Variants in IARS2 observed in about 807,000 individuals in gnomAD.
IARS2 encodes the protein isoleucyl-tRNA synthetase 2, mitochondrial.
Under a neutral mutation model 126.3 loss-of-function variants are expected in IARS2, and 56 were observed. The observed-to-expected ratio is 0.44, with a 90% CI of 0.36 to 0.55. The LOEUF is 0.55. Ranked by LOEUF, IARS2 falls within the 20% of genes least tolerant of loss-of-function variation. The pLI is 0.00. For synonymous variants in IARS2, 407 were observed against 441.1 expected (o/e 0.92, Z 0.97); for missense variants, 1,127 against 1,245.9 (o/e 0.90, Z 1.44).
intron 19 of IARS2, among the ~76,000 whole-genome samples, chr1:220,140,977 C>T (rs1290886310): frequency 5.6e-5 from 8 of 144,064 alleles, no homozygotes; most frequent in African/African-American, 2.1e-4. Flanking sequence ...GAGCAAGACT[C>T]CGTCTCAAAA....
intron 12 of IARS2, among the ~76,000 whole-genome samples, chr1:220,116,056 A>G (rs905383162): frequency 6.6e-6 from 1 of 152,148 alleles, no homozygotes; most frequent in Non-Finnish European, 1.5e-5. Flanking sequence ...AGAAAAATTT[A>G]AAAATTAGCT....
intron 2 of IARS2, among the ~76,000 whole-genome samples, chr1:220,098,651 T>C (rs1254211168): frequency 6.6e-6 from 1 of 151,388 alleles, no homozygotes; most frequent in Non-Finnish European, 1.5e-5. Flanking sequence ...AAGCAATGCA[T>C]GAATATTAGA....
At chr1:220,126,939 G>T (rs964014493) in intron 14 of IARS2, 96 bp downstream of exon 14, 2 of 846,048 alleles carry the variant, frequency 2.4e-6, no homozygotes, top group Middle Eastern at 5.4e-4. Flanking sequence ...TTTTCTGTGT[G>T]TGCTTTATTT....
At chr1:220,126,974 C>T (rs1020992358) in intron 14 of IARS2, 131 bp downstream of exon 14, 14 of 617,040 alleles carry the variant, frequency 2.3e-5, no homozygotes, top group African/African-American at 1.5e-4. Context: ...TTTTAGACCT[C>T]GAAAGACCCT....
In IARS2 at chr1:220,141,941, T is replaced by C. The variant is rs754664786; in HGVS notation, c.2553T>C (p.Tyr851=). 3 of 1,612,188 alleles carry C rather than the reference T, an allele frequency of 1.9e-6. No individual in the cohort carries two copies. Among genetic ancestry groups the C allele is most frequent in the Non-Finnish European group, 2.5e-6 (3 of 1,178,814 alleles). The change falls in exon 20 of 23, where the codon TAT becomes TAC. Residue 851 remains tyrosine, a synonymous_variant. Transcript: ENST00000366922. ...LAEEVFQHIP[Y]IKEPKSVFRT... ...AAGAGGTGTTCCAGCACATACCTTA[T>C]ATTAAAGGTAAGGAATACTTCATTT...
intron 11 of IARS2, 51 bp downstream of exon 11, chr1:220,110,988 T>C (rs1488596204): frequency 1.3e-6 from 2 of 1,548,888 alleles, no homozygotes; most frequent in South Asian, 2.4e-5. Flanking sequence ...TCCCTCAGTA[T>C]AAAGGGGCTG....
intron 21 of IARS2, chr1:220,143,973 C>A (rs1657537188): frequency 6.8e-7 from 1 of 1,474,324 alleles, no homozygotes; most frequent in Non-Finnish European, 9.3e-7. Context: ...AAAAGAATCC[C>A]AGGATTTTCC....
At chr1:220,094,624 C>T in intron 1 of IARS2, 141 bp downstream of exon 1, 2 of 675,978 alleles carry the variant, frequency 3.0e-6, no homozygotes, top group South Asian at 2.0e-5. Flanking sequence ...AATTCGTCTG[C>T]TTCGCACAGA....
chr1:220,102,008 CA>C (rs1055831663), intron 3 of IARS2, 120 bp from the exon 4 acceptor site: 102 of 916,722 alleles, frequency 1.1e-4, no homozygotes, highest in Middle Eastern at 3.4e-4. Context: ...GACTGTGTCT[CA>C]AAAAAAATTT....
At chr1:220,124,806 A>G (rs1051318199) in intron 12 of IARS2, among the ~76,000 whole-genome samples, 1 of 152,132 alleles carries the variant, frequency 6.6e-6, no homozygotes, top group Non-Finnish European at 1.5e-5. Context: ...AAGTAAAGGG[A>G]TGAGGGTAGG....
At chr1:220,138,878 C>A in intron 17 of IARS2, 130 bp from the exon 18 acceptor site, 1 of 812,182 alleles carries the variant, frequency 1.2e-6, no homozygotes, top group Non-Finnish European at 1.9e-6. Flanking sequence ...CATTTGTAGT[C>A]TTATTTGGAA....
chr1:220,139,106 C>T lies in IARS2; in HGVS notation c.2274C>T (p.Tyr758=). 1 of 1,609,916 alleles carries T rather than the reference C, an allele frequency of 6.2e-7. No individual in the cohort carries two copies. ...PVNDMYVIDQ[Y]MLHLLQDLAN... ...ACGATATGTATGTCATAGACCAGTACATGCTACACTTACTGCAGGATTTGG... is the reference window on the plus strand; with the variant it reads ...ACGATATGTATGTCATAGACCAGTATATGCTACACTTACTGCAGGATTTGG... The change falls in exon 18 of 23, where the codon TAC becomes TAT. Residue 758 remains tyrosine (Y), a synonymous_variant. Transcript: ENST00000366922.
intron 14 of IARS2, among the ~76,000 whole-genome samples, chr1:220,130,163 G>C (rs1214915806): frequency 2.6e-5 from 4 of 152,156 alleles, no homozygotes; most frequent in African/African-American, 9.7e-5. Context: ...GACATCCTTT[G>C]AGAAATGTCT....
Position 220,102,741 on chromosome 1 carries a change from C to T in IARS2, c.914C>T (p.Pro305Leu). The change falls in exon 7 of 23, where the codon CCA becomes CTA. Residue 305 changes from proline (P) to leucine (L), a missense_variant. Coordinates refer to ENST00000366922, the MANE Select transcript of IARS2 (RefSeq NM_018060.4). The stretch of plus-strand genomic sequence containing the variant: ...TGGACCACACAACCTTGGACGATTC[C>T]AGCCAATGAAGCTGTTTGCTATATG... ...LVWTTQPWTI[P>L]ANEAVCYMPE... is the part of the protein sequence containing the mutation. The T allele has an allele frequency of 1.9e-6, 3 of 1,613,554 alleles. No homozygotes were observed. Among genetic ancestry groups the T allele is most frequent in the Non-Finnish European group, 2.5e-6 (3 of 1,179,538 alleles).
Position 220,140,298 on chromosome 1 carries a change from G to T in IARS2, c.2414+9G>T. ...AGTATAATCAAAGATAGGTATGTAT[G>T]ACTAAATATTAAAATGCTTAACAAT... On this transcript the variant is annotated intron_variant, in intron 19 of 22. Transcript: ENST00000366922. The T allele has an allele frequency of 1.4e-6, 2 of 1,473,692 alleles. No individual in the cohort carries two copies. Among genetic ancestry groups the T allele is most frequent in the Non-Finnish European group, 1.9e-6 (2 of 1,053,672 alleles). The allele number at this position is 1,473,692 out of a possible 1,614,324, so 91.3% of individuals were successfully genotyped here. A position where few individuals can be genotyped will look rare whatever the true frequency, so the allele number is the denominator to read the frequency against.
intron 2 of IARS2, among the ~76,000 whole-genome samples, chr1:220,097,570 A>G (rs1454701170): frequency 6.6e-6 from 1 of 151,488 alleles, no homozygotes; most frequent in Non-Finnish European, 1.5e-5. Flanking sequence ...TCACTGTGTT[A>G]GCCAGGATGG....
intron 9 of IARS2, among the ~76,000 whole-genome samples, chr1:220,106,603 A>G (rs756026924): frequency 6.6e-6 from 1 of 151,820 alleles, no homozygotes; most frequent in Non-Finnish European, 1.5e-5. Context: ...AAAATTCACA[A>G]ATTCCTATTT....
chr1:220,127,840 TG>T (rs1657184849), intron 14 of IARS2, among the ~76,000 whole-genome samples: 1 of 152,206 alleles, frequency 6.6e-6, no homozygotes, highest in Non-Finnish European at 1.5e-5. Flanking sequence ...GTAATAATAA[TG>T]GCCAAATATA....
chr1:220,102,636 A>C (rs1380452258), intron 6 of IARS2, 32 bp downstream of exon 6: 1 of 1,588,174 alleles, frequency 6.3e-7, no homozygotes, highest in Admixed American at 1.7e-5. Context: ...AGTGTACCAA[A>C]GTTATAGAAT....
Sources: gnomAD v4.1 joint callset for allele counts (sites outside exome capture counted in the v4.1 genomes callset) on GRCh38, gnomAD v4.1.1 for gene constraint, MANE v1.5 for transcripts, NCBI Gene and HGNC (gene_info 2026-07-23, HGNC 2026-07-21) for gene names.